DOCK3: variants seen among roughly 807,000 people sequenced by gnomAD.
DOCK3 encodes dedicator of cytokinesis 3.
DOCK3 carries 60 observed loss-of-function variants against 265.6 expected under a neutral mutation model. That is an observed-to-expected ratio of 0.23 (90% CI 0.18 to 0.28). The LOEUF (loss-of-function observed/expected upper bound fraction) is 0.28, where lower values mean the gene tolerates loss of function less well. Among genes scored for constraint, DOCK3 ranks in the 10% least tolerant of loss-of-function variants. The probability of loss-of-function intolerance (pLI) is 1.00; values close to 1 mark genes in which losing one functional copy is unlikely to be tolerated. For missense variants in DOCK3, 1,981 were observed against 2,594.3 expected, an observed-to-expected ratio of 0.76 and a Z score of 5.14; for synonymous variants, 881 against 938.0, an observed-to-expected ratio of 0.94 and a Z score of 1.11.
intron 2 of DOCK3, among the ~76,000 whole-genome samples, chr3:50,791,085 T>G (rs1461948249): frequency 6.6e-6 from 1 of 152,096 alleles, no homozygotes; most frequent in Non-Finnish European, 1.5e-5. Flanking sequence ...TAGTTTCTTT[T>G]GTTATGCAGA....
chr3:50,938,470 C>A (rs979702553), intron 5 of DOCK3, among the ~76,000 whole-genome samples: 1 of 152,062 alleles, frequency 6.6e-6, no homozygotes, highest in Admixed American at 6.5e-5. Flanking sequence ...GATACAGATT[C>A]TTTTCAGTCA....
intron 13 of DOCK3, among the ~76,000 whole-genome samples, chr3:51,212,667 G>A (rs943945241): frequency 6.6e-6 from 1 of 152,110 alleles, no homozygotes; most frequent in Non-Finnish European, 1.5e-5. Flanking sequence ...TGTGGTTTTG[G>A]TTCTGGCTCC....
chr3:50,860,420 A>G (rs1163924318), intron 3 of DOCK3, among the ~76,000 whole-genome samples: 2 of 152,218 alleles, frequency 1.3e-5, no homozygotes, highest in East Asian at 3.9e-4. Flanking sequence ...GGACTTACCC[A>G]GTGAGGAGAT....
At chr3:51,222,778 A>T (rs1045579149) in intron 14 of DOCK3, among the ~76,000 whole-genome samples, 6 of 152,236 alleles carry the variant, frequency 3.9e-5, no homozygotes, top group South Asian at 2.1e-4. Context: ...TCTGTTTTTT[A>T]AAAAAATGAA....
intron 11 of DOCK3, among the ~76,000 whole-genome samples, chr3:51,160,267 C>G (rs570943898): frequency 3.3e-5 from 5 of 152,292 alleles, no homozygotes; most frequent in Admixed American, 3.3e-4. Context: ...CTAAGAAATT[C>G]ATAAAATCAC....
intron 9 of DOCK3, among the ~76,000 whole-genome samples, chr3:51,104,636 A>G (rs546569264): frequency 1.8e-4 from 28 of 152,358 alleles, no homozygotes; most frequent in Middle Eastern, 3.4e-3. Flanking sequence ...ATTGTGGACA[A>G]TTATAGCTTT....
chr3:51,261,893 A>G (rs2079870863), intron 23 of DOCK3, among the ~76,000 whole-genome samples: 1 of 152,152 alleles, frequency 6.6e-6, no homozygotes, highest in Admixed American at 6.5e-5. Context: ...GGCATCTCTG[A>G]AAGAAAGACA....
chr3:51,283,066 A>G (rs754772394), intron 27 of DOCK3, among the ~76,000 whole-genome samples: 1 of 152,258 alleles, frequency 6.6e-6, no homozygotes, highest in Non-Finnish European at 1.5e-5. Context: ...CGTGAGCCAC[A>G]CAGAAAAATA....
intron 2 of DOCK3, among the ~76,000 whole-genome samples, chr3:50,790,553 A>G (rs769614349): frequency 1.1e-4 from 17 of 151,288 alleles, no homozygotes; most frequent in Non-Finnish European, 2.4e-4. Context: ...TCTGAAAAAG[A>G]CTATCTTTCC....
At chr3:50,826,595 A>G (rs2044769496) in intron 2 of DOCK3, among the ~76,000 whole-genome samples, 1 of 152,214 alleles carries the variant, frequency 6.6e-6, no homozygotes, top group Non-Finnish European at 1.5e-5. Flanking sequence ...CTACTCCCCA[A>G]AATGAAAAAT....
chr3:50,738,030 G>C (rs1035514188), intron 1 of DOCK3, among the ~76,000 whole-genome samples: 1 of 152,166 alleles, frequency 6.6e-6, no homozygotes, highest in African/African-American at 2.4e-5. Context: ...AGTCTTTACA[G>C]GCTGGTTTTG....
At position 51,137,035 on chromosome 3, in the gene DOCK3, A is replaced by G. The variant is rs530973206; in HGVS notation, c.747-9514A>G. On this transcript the variant is annotated intron_variant, in intron 9 of 52. Transcript: ENST00000266037. Reference sequence around the variant, plus strand: ...AAAACTTAAAGTATAATAATAATAAATTAATTAAAAAAAAAACAGCTTAAA... The same window carrying G: ...AAAACTTAAAGTATAATAATAATAAGTTAATTAAAAAAAAAACAGCTTAAA... Among the ~76,000 whole-genome samples, 77 of 149,384 alleles carry G rather than the reference A, an allele frequency of 5.2e-4. 1 individual carries two copies. In the South Asian group the frequency reaches 0.016, roughly 31 times the overall value.
At chr3:51,129,492 C>G (rs1446906392) in intron 9 of DOCK3, among the ~76,000 whole-genome samples, 1 of 152,194 alleles carries the variant, frequency 6.6e-6, no homozygotes, top group Non-Finnish European at 1.5e-5. Flanking sequence ...AAGACCTGCT[C>G]AAGCCTGATC....
intron 5 of DOCK3, among the ~76,000 whole-genome samples, chr3:50,975,040 G>T (rs1388218824): frequency 6.6e-6 from 1 of 151,544 alleles, no homozygotes; most frequent in Non-Finnish European, 1.5e-5. Flanking sequence ...GAGATTTTGG[G>T]CTGAGACAGT....
At chr3:51,245,774 C>T (rs1227930284) in intron 21 of DOCK3, among the ~76,000 whole-genome samples, 1 of 152,150 alleles carries the variant, frequency 6.6e-6, no homozygotes, top group Non-Finnish European at 1.5e-5. Context: ...TGTGGAGTCA[C>T]TGAAACTCTG....
chr3:50,993,436 T>G (rs924338521), intron 5 of DOCK3, among the ~76,000 whole-genome samples: 1 of 152,188 alleles, frequency 6.6e-6, no homozygotes, highest in African/African-American at 2.4e-5. Flanking sequence ...CAAGGAGATA[T>G]AAATAGCTCA....
intron 2 of DOCK3, chr3:50,787,592 G>A: frequency 9.2e-7 from 1 of 1,091,358 alleles, no homozygotes; most frequent in Non-Finnish European, 1.4e-6. Flanking sequence ...TTCTGCACTG[G>A]TGCTTCAGGC....
chr3:50,990,015 A>G (rs2078050358), intron 5 of DOCK3, among the ~76,000 whole-genome samples: 2 of 152,224 alleles, frequency 1.3e-5, no homozygotes, highest in Non-Finnish European at 2.9e-5. Context: ...TACAATCACA[A>G]GTATTAATAG....
At chr3:51,271,421 T>G (rs957418035) in intron 24 of DOCK3, among the ~76,000 whole-genome samples, 1 of 152,162 alleles carries the variant, frequency 6.6e-6, no homozygotes, top group Admixed American at 6.5e-5. Context: ...TCTCTCTGTG[T>G]TCTCACATAG....
Sources: gnomAD v4.1 joint callset for allele counts (sites outside exome capture counted in the v4.1 genomes callset) on GRCh38, gnomAD v4.1.1 for gene constraint, MANE v1.5 for transcripts, NCBI Gene and HGNC (gene_info 2026-07-23, HGNC 2026-07-21) for gene names.